Variants in RREB1 observed in about 807,000 individuals in gnomAD.
RREB1 encodes the protein ras responsive element binding protein 1.
In RREB1, 27 loss-of-function variants were observed where a neutral mutation model predicts 117.8. The observed-to-expected ratio is 0.23, with a 90% CI of 0.17 to 0.32. The LOEUF (loss-of-function observed/expected upper bound fraction) is 0.32, where lower values mean the gene tolerates loss of function less well. RREB1 is among the 10% of genes least tolerant of loss of function. RREB1 has a pLI of 1.00. For synonymous variants in RREB1, 1,298 were observed against 1,026.7 expected, an observed-to-expected ratio of 1.26 and a Z score of -5.05; for missense variants, 2,577 against 2,378.2, an observed-to-expected ratio of 1.08 and a Z score of -1.74.
intron 1 of RREB1, among the ~76,000 whole-genome samples, chr6:7,128,333 G>C (rs1762019858): frequency 6.6e-6 from 1 of 152,146 alleles, no homozygotes; most frequent in Admixed American, 6.6e-5. Context: ...TAGGATTCTG[G>C]TAAGCTGAAG....
At chr6:7,117,016 T>C (rs901996727) in intron 1 of RREB1, among the ~76,000 whole-genome samples, 2 of 152,162 alleles carry the variant, frequency 1.3e-5, no homozygotes, top group Non-Finnish European at 2.9e-5. Flanking sequence ...AATAGGAGTG[T>C]TGGTCTGTGT....
At position 7,158,670 on chromosome 6, in the gene RREB1, T is replaced by G. The variant is rs560400409; in HGVS notation, c.-284-17985T>G. On this transcript the variant is annotated intron_variant, in intron 1 of 12. Transcript: ENST00000379938. ...TTAATTCTCTTACCTTCCCAAGCTT[T>G]CTTTTACCTCTTACCAAGTGGTAAG... Among the ~76,000 whole-genome samples, 6 of 152,302 alleles carry G rather than the reference T, an allele frequency of 3.9e-5. No homozygotes were observed. In the South Asian group the frequency reaches 1.0e-3, roughly 26 times the overall value.
chr6:7,120,938 C>G (rs968655693), intron 1 of RREB1, among the ~76,000 whole-genome samples: 11 of 151,638 alleles, frequency 7.3e-5, no homozygotes, highest in African/African-American at 2.7e-4. Context: ...TCCCTCCTGC[C>G]TCAGCCTCTC....
intron 1 of RREB1, among the ~76,000 whole-genome samples, chr6:7,128,500 G>A (rs988531015): frequency 6.6e-6 from 1 of 152,106 alleles, no homozygotes; most frequent in African/African-American, 2.4e-5. Flanking sequence ...AGGTGTAGCT[G>A]TTATTTTCTC....
intron 1 of RREB1, among the ~76,000 whole-genome samples, chr6:7,160,754 T>G (rs909112910): frequency 6.6e-6 from 1 of 151,850 alleles, no homozygotes; most frequent in Non-Finnish European, 1.5e-5. Flanking sequence ...TGGTGCAATC[T>G]CAGCTCACTG....
chr6:7,166,165 C>G (rs542591747), intron 1 of RREB1, among the ~76,000 whole-genome samples: 1 of 152,288 alleles, frequency 6.6e-6, no homozygotes, highest in African/African-American at 2.4e-5. Flanking sequence ...CACTCCCACC[C>G]CCAACTGCCA....
At chr6:7,120,914 C>T (rs191014975) in intron 1 of RREB1, among the ~76,000 whole-genome samples, 9 of 150,424 alleles carry the variant, frequency 6.0e-5, no homozygotes, top group African/African-American at 1.5e-4. Flanking sequence ...CTGCCTCCTG[C>T]GTTCAAGTGA....
At chr6:7,138,092 G>T (rs1762419995) in intron 1 of RREB1, among the ~76,000 whole-genome samples, 1 of 152,066 alleles carries the variant, frequency 6.6e-6, no homozygotes, top group South Asian at 2.1e-4. Flanking sequence ...CACCCTTTGT[G>T]CACTTTAACT....
intron 10 of RREB1, among the ~76,000 whole-genome samples, chr6:7,238,092 C>G (rs1227555443): frequency 6.6e-6 from 1 of 152,202 alleles, no homozygotes; most frequent in African/African-American, 2.4e-5. Context: ...TTGTTTTCCT[C>G]TTGGCCCAGT....
rs73374662 is a variant in RREB1 at position 7,189,165 on chromosome 6, A to G, written c.268A>G (p.Thr90Ala). 2,521 of 1,612,772 alleles carry G rather than the reference A, an allele frequency of 1.6e-3. 25 individuals are homozygous for G. In the African/African-American group the frequency reaches 0.028, roughly 18 times the overall value. ...QLTMHIRQHN[T>A]DTGGADHSCS... is the part of the protein sequence containing the mutation. ...TGACCATTGCTTTCTGCAGCACAAC[A>G]CAGACACTGGAGGAGCCGACCACTC... The change falls in exon 6 of 13, where the codon ACA becomes GCA. Residue 90 changes from threonine (T) to alanine (A), a missense_variant. Coordinates refer to ENST00000379938, the MANE Select transcript of RREB1 (RefSeq NM_001003699.4).
intron 1 of RREB1, among the ~76,000 whole-genome samples, chr6:7,122,079 C>T (rs1459845199): frequency 6.6e-6 from 1 of 152,166 alleles, no homozygotes; most frequent in African/African-American, 2.4e-5. Flanking sequence ...TCTTATTGGG[C>T]TCCCATTTTG....
At chr6:7,228,976 T>C (rs769839254) in intron 9 of RREB1, 21 bp from the exon 10 acceptor site, 1 of 1,481,656 alleles carries the variant, frequency 6.7e-7, no homozygotes, top group Admixed American at 2.3e-5. Flanking sequence ...TCCCTTGCTT[T>C]TACCGGTGGG....
At chr6:7,151,247 A>ATTATG (rs932294463) in intron 1 of RREB1, among the ~76,000 whole-genome samples, 7 of 152,280 alleles carry the variant, frequency 4.6e-5, no homozygotes, top group African/African-American at 1.4e-4. Context: ...TAGATATTGT[A>ATTATG]TTATGTATAA....
chr6:7,242,700 A>G lies in RREB1; in HGVS notation c.3973+2098A>G, dbSNP rs58420624. Among the ~76,000 whole-genome samples the G allele has an allele frequency of 1.8e-3, 245 of 134,824 alleles. 2 individuals are homozygous for G. The highest frequency in any genetic ancestry group is 3.2e-3 in the African/African-American group (111 of 35,158). 88.4% of individuals were successfully genotyped at this position (134,824 alleles called of 152,430 possible). ...TTTGAAGGAAGACCACTTAAAAAAA[A>G]GGGGGGGGGGGAAGGAAATGACCAA... On this transcript the variant is annotated intron_variant, in intron 11 of 12. Coordinates refer to ENST00000379938, the MANE Select transcript of RREB1 (RefSeq NM_001003699.4).
chr6:7,115,515 A>G (rs1451412566), intron 1 of RREB1, among the ~76,000 whole-genome samples: 2 of 152,136 alleles, frequency 1.3e-5, no homozygotes, highest in African/African-American at 2.4e-5. Context: ...GACATGTGCA[A>G]TACTTGAAGA....
At chr6:7,135,279 A>T (rs1762306861) in intron 1 of RREB1, among the ~76,000 whole-genome samples, 1 of 152,216 alleles carries the variant, frequency 6.6e-6, no homozygotes, top group African/African-American at 2.4e-5. Flanking sequence ...CTTTCTTTTT[A>T]ATCAGTAAAC....
At chr6:7,176,287 T>C (rs1006647593) in intron 1 of RREB1, among the ~76,000 whole-genome samples, 19 of 152,220 alleles carry the variant, frequency 1.2e-4, no homozygotes, top group African/African-American at 4.6e-4. Context: ...CTGCCTTGCT[T>C]TTCTCTTGTT....
At chr6:7,115,142 G>A (rs187269790) in intron 1 of RREB1, among the ~76,000 whole-genome samples, 57 of 152,260 alleles carry the variant, frequency 3.7e-4, no homozygotes, top group Admixed American at 1.5e-3. Flanking sequence ...TCTGAGCCGG[G>A]TGCTCTGTCC....
intron 1 of RREB1, among the ~76,000 whole-genome samples, chr6:7,141,642 G>GTAGC (rs1403087523): frequency 6.6e-6 from 1 of 152,218 alleles, no homozygotes. Context: ...ATAAAAACAT[G>GTAGC]TAGCAGGGTA....
Sources: allele counts gnomAD v4.1 joint callset (sites outside exome capture counted in the v4.1 genomes callset), GRCh38; gene constraint gnomAD v4.1.1; transcripts MANE v1.5; gene names NCBI Gene and HGNC (gene_info 2026-07-23, HGNC 2026-07-21).